The following ZSCAN2 variants were observed in gnomAD, a reference collection of about 807,000 sequenced individuals.
ZSCAN2 encodes the protein zinc finger and SCAN domain containing 2.
ZSCAN2 carries 26 observed loss-of-function variants against 47.8 expected under a neutral mutation model. That is an observed-to-expected ratio of 0.54 (90% CI 0.40 to 0.75). ZSCAN2 has a LOEUF of 0.75. ZSCAN2 is among the 30% of genes least tolerant of loss of function. The pLI is 0.00. For synonymous variants in ZSCAN2, 305 were observed against 288.7 expected (o/e 1.06, Z -0.57); for missense variants, 732 against 785.4 (o/e 0.93, Z 0.81).
intron 2 of ZSCAN2, chr15:84,611,630 C>G (rs554294283): frequency 1.3e-5 from 2 of 151,974 alleles, no homozygotes; most frequent in Middle Eastern, 6.8e-3. Context: ...CGCCTGTAAT[C>G]CCAGCTACTC....
At chr15:84,613,559 C>T (rs1283936405) in intron 2 of ZSCAN2, among the ~76,000 whole-genome samples, 6 of 152,232 alleles carry the variant, frequency 3.9e-5, no homozygotes, top group East Asian at 1.9e-4. Flanking sequence ...TCACTCGCCT[C>T]GGCCTCCCAA....
chr15:84,601,399 C>T (rs900291386), intron 1 of ZSCAN2, among the ~76,000 whole-genome samples: 6 of 152,138 alleles, frequency 3.9e-5, no homozygotes, highest in Admixed American at 6.5e-5. Context: ...CATTCGACGA[C>T]ATCCCGCGCA....
chr15:84,605,431 G>C (rs899996772), intron 2 of ZSCAN2, among the ~76,000 whole-genome samples: 1 of 152,228 alleles, frequency 6.6e-6, no homozygotes, highest in Non-Finnish European at 1.5e-5. Flanking sequence ...ACCTAAGCAG[G>C]AGGTTGTAGA....
intron 2 of ZSCAN2, among the ~76,000 whole-genome samples, chr15:84,609,286 CATATATGAT>C (rs1048869737): frequency 6.6e-6 from 1 of 150,624 alleles, no homozygotes; most frequent in African/African-American, 2.5e-5. Flanking sequence ...TGATATATAT[CATATATGAT>C]ATATGAGATA....
chr15:84,616,735 CA>C, intron 2 of ZSCAN2: 16 of 982,414 alleles, frequency 1.6e-5, no homozygotes, highest in Non-Finnish European at 1.9e-5. Flanking sequence ...TGTTTTTGGT[CA>C]TGTTAGTTTG....
chr15:84,614,353 T>G (rs886672169), intron 2 of ZSCAN2: 3 of 152,182 alleles, frequency 2.0e-5, no homozygotes, highest in African/African-American at 7.2e-5. Flanking sequence ...GTGAATTCTT[T>G]GAACTCCCAG....
intron 2 of ZSCAN2, among the ~76,000 whole-genome samples, chr15:84,608,294 C>T (rs572567069): frequency 6.6e-6 from 1 of 152,086 alleles, no homozygotes; most frequent in Admixed American, 6.6e-5. Flanking sequence ...CTTGGTGAGG[C>T]CGAGGCGGGT....
intron 1 of ZSCAN2, chr15:84,601,865 C>T (rs971679804): frequency 1.3e-5 from 2 of 150,982 alleles, no homozygotes; most frequent in African/African-American, 4.9e-5. Context: ...TTTTGTATTG[C>T]TTTTATAATA....
intron 2 of ZSCAN2, among the ~76,000 whole-genome samples, chr15:84,615,242 C>T (rs1485249428): frequency 6.6e-6 from 1 of 152,164 alleles, no homozygotes; most frequent in African/African-American, 2.4e-5. Flanking sequence ...GCGTGAGCCA[C>T]CACGCCTGGC....
Position 84,604,267 on chromosome 15 carries a change from C to G in ZSCAN2, c.340C>G (p.Arg114Gly). 6.2e-7 allele frequency: 1 copy of G among 1,614,052 alleles called. No individual in the cohort carries two copies. Among genetic ancestry groups the G allele is most frequent in the Non-Finnish European group, 8.5e-7 (1 of 1,180,008 alleles). The part of the protein sequence containing the change: ...KEIQAWLQEH[R>G]PESSEEAAAL... ...AATTCAGGCTTGGCTGCAAGAGCAT[C>G]GGCCTGAAAGCAGTGAGGAGGCAGC... Residue 114 changes from arginine to glycine, a missense_variant, in exon 2 of 3, where the codon CGG becomes GGG. Around this residue, in one of 2 missense-constraint regions of ZSCAN2, gnomAD observed 320 missense variants for 287.4 expected, o/e 1.11. Transcript: ENST00000546148.
At chr15:84,606,761 T>A in intron 2 of ZSCAN2, 1 of 1,370,376 alleles carries the variant, frequency 7.3e-7, no homozygotes. Flanking sequence ...CATCTTTAAC[T>A]GGGCACCTGA....
intron 2 of ZSCAN2, among the ~76,000 whole-genome samples, chr15:84,613,176 T>G (rs1895602024): frequency 6.6e-6 from 1 of 152,208 alleles, no homozygotes; most frequent in East Asian, 1.9e-4. Flanking sequence ...ACAGATTATC[T>G]TTTCTCTTCT....
intron 2 of ZSCAN2, 95 bp from the exon 3 acceptor site, chr15:84,620,507 G>C: frequency 8.7e-7 from 1 of 1,147,960 alleles, no homozygotes. Context: ...TGTGTTCACT[G>C]GAAGTTTAAT....
At chr15:84,607,788 C>T (rs974069247) in intron 2 of ZSCAN2, among the ~76,000 whole-genome samples, 1 of 152,200 alleles carries the variant, frequency 6.6e-6, no homozygotes, top group Non-Finnish European at 1.5e-5. Flanking sequence ...GGATTACAGG[C>T]GTGAGCCACC....
intron 2 of ZSCAN2, chr15:84,616,320 T>C (rs761642821): frequency 8.7e-6 from 13 of 1,491,674 alleles, no homozygotes; most frequent in Non-Finnish European, 1.2e-5. Context: ...AACAGCTTCC[T>C]GCGTACATGG....
chr15:84,606,299 G>A, intron 2 of ZSCAN2: 1 of 482,866 alleles, frequency 2.1e-6, no homozygotes, highest in South Asian at 2.1e-5. Flanking sequence ...GTCTCACTAA[G>A]AATCCTGTGA....
intron 2 of ZSCAN2, among the ~76,000 whole-genome samples, chr15:84,605,399 A>G (rs563164990): frequency 6.6e-6 from 1 of 152,274 alleles, no homozygotes; most frequent in South Asian, 2.1e-4. Context: ...CAGGTCAGAG[A>G]AGGCTTCCTG....
At chr15:84,606,378 G>A in intron 2 of ZSCAN2, 4 of 658,060 alleles carry the variant, frequency 6.1e-6, no homozygotes, top group South Asian at 4.9e-5. Flanking sequence ...GTTGAGTGGT[G>A]GAGCCAGGAT....
At chr15:84,609,014 A>C (rs928570137) in intron 2 of ZSCAN2, among the ~76,000 whole-genome samples, 1 of 152,234 alleles carries the variant, frequency 6.6e-6, no homozygotes, top group Non-Finnish European at 1.5e-5. Context: ...CTTGTCCAAC[A>C]GTTGAGTGAA....
Sources: gnomAD v4.1 joint callset for allele counts (sites outside exome capture counted in the v4.1 genomes callset) on GRCh38, gnomAD v4.1.1 for gene constraint, gnomAD v4.1.1 regional missense constraint, MANE v1.5 for transcripts, NCBI Gene and HGNC (gene_info 2026-07-23, HGNC 2026-07-21) for gene names.